NPNT: variants seen among roughly 807,000 people sequenced by gnomAD.
NPNT encodes preosteoblast EGF-like repeat protein with MAM domain.
Under a neutral mutation model 68.6 loss-of-function variants are expected in NPNT, and 45 were observed. That is an observed-to-expected ratio of 0.66 (90% CI 0.52 to 0.84). The LOEUF is 0.84. Among genes scored for constraint, NPNT ranks in the 40% least tolerant of loss-of-function variants. The probability of loss-of-function intolerance (pLI) is 0.00; values close to 1 mark genes in which losing one functional copy is unlikely to be tolerated. For synonymous variants in NPNT, 233 were observed against 253.3 expected, an observed-to-expected ratio of 0.92 and a Z score of 0.76; for missense variants, 672 against 714.8, an observed-to-expected ratio of 0.94 and a Z score of 0.68.
intron 2 of NPNT, chr4:105,912,335 G>A: frequency 2.3e-6 from 2 of 863,336 alleles, no homozygotes; most frequent in South Asian, 3.3e-5. Flanking sequence ...CAAAACATTA[G>A]TTGTGTTTTT....
intron 4 of NPNT, among the ~76,000 whole-genome samples, chr4:105,938,068 C>T (rs1729632474): frequency 6.6e-6 from 1 of 152,112 alleles, no homozygotes; most frequent in Non-Finnish European, 1.5e-5. Context: ...TCTTCACTTT[C>T]CTTGGCCACT....
At position 105,971,310 on chromosome 4, in the gene NPNT, T is replaced by C; in HGVS notation, c.*2320T>C. ...GGTTCCACAGAACAGTAATATTTTTTGAACAATAGGTACAATAGAAGGTCT... is the reference window on the plus strand; with the variant it reads ...GGTTCCACAGAACAGTAATATTTTTCGAACAATAGGTACAATAGAAGGTCT... On this transcript the variant is annotated 3_prime_UTR_variant, in exon 12 of 12. Transcript: ENST00000379987. 1 of 336,694 alleles carries C rather than the reference T, an allele frequency of 3.0e-6. No individual in the cohort carries two copies. The highest frequency in any genetic ancestry group is 6.2e-6 in the Non-Finnish European group (1 of 161,066). 20.9% of individuals were successfully genotyped at this position (336,694 alleles called of 1,614,324 possible).
At chr4:105,947,443 T>C (rs1208196639) in intron 8 of NPNT, among the ~76,000 whole-genome samples, 2 of 152,196 alleles carry the variant, frequency 1.3e-5, no homozygotes, top group Non-Finnish European at 1.5e-5. Flanking sequence ...CAATTTATGT[T>C]CCTCTGCTGC....
intron 4 of NPNT, among the ~76,000 whole-genome samples, 175 bp downstream of exon 4, chr4:105,937,303 A>G (rs1376800128): frequency 6.6e-6 from 1 of 152,174 alleles, no homozygotes; most frequent in Non-Finnish European, 1.5e-5. Flanking sequence ...TTTTCGATGT[A>G]TAATACTCTT....
rs564952099 is a variant in NPNT, at chr4:105,910,922, T to G, written c.172+12921T>G. On this transcript the variant is annotated intron_variant, in intron 2 of 11. Coordinates refer to ENST00000379987, the MANE Select transcript of NPNT (RefSeq NM_001033047.3). ...TGATGTTTGCTATTCTTTATTAAGTTGTTTTACCTTTGCTTACAATAATTT... is the reference window on the plus strand; with the variant it reads ...TGATGTTTGCTATTCTTTATTAAGTGGTTTTACCTTTGCTTACAATAATTT... 4.6e-5 allele frequency among the ~76,000 whole-genome samples: 7 copies of G among 152,262 alleles called. No homozygotes were observed. The South Asian group carries it at 1.4e-3, about 32-fold the overall frequency.
intron 2 of NPNT, among the ~76,000 whole-genome samples, chr4:105,914,273 C>G (rs1284633988): frequency 1.4e-5 from 2 of 142,674 alleles, no homozygotes; most frequent in African/African-American, 5.2e-5. Context: ...ACATGAATGC[C>G]TAGAGCTTCA....
rs376388825 is a variant in NPNT at position 105,927,630 on chromosome 4, C to G, written c.265+202C>G. ...AGGACAATTAAACAAATTGTATCCT[C>G]TTATTCTCTGATACTAATTAAAATG... On this transcript the variant is annotated intron_variant, in intron 3 of 11. Coordinates refer to ENST00000379987, the MANE Select transcript of NPNT (RefSeq NM_001033047.3). 9.9e-5 allele frequency: 32 copies of G among 324,412 alleles called. No individual in the cohort carries two copies. In the South Asian group the frequency reaches 1.8e-3, roughly 18 times the overall value. The allele number at this position is 324,412 out of a possible 1,614,324, so 20.1% of individuals were successfully genotyped here. A position where few individuals can be genotyped will look rare whatever the true frequency, so the allele number is the denominator to read the frequency against.
rs781173048 is a variant in NPNT, at chr4:105,940,500, A to G, written c.641-14A>G. On this transcript the variant is annotated splice_polypyrimidine_tract_variant and intron_variant, in intron 6 of 11. Transcript: ENST00000379987. ...TCCTAAATAAGTCTCTTCTTTTCCT[A>G]CTTTCTGATGCAGACATAGACGAAT... The G allele has an allele frequency of 6.8e-6, 11 of 1,606,818 alleles. No individual in the cohort carries two copies. Among genetic ancestry groups the G allele is most frequent in the East Asian group, 4.5e-5 (2 of 44,830 alleles).
chr4:105,940,488 T>A lies in NPNT; in HGVS notation c.641-26T>A, dbSNP rs779772229. 1.4e-5 allele frequency: 22 copies of A among 1,599,464 alleles called. No homozygotes were observed. The South Asian group carries it at 2.5e-4, about 18-fold the overall frequency. On this transcript the variant is annotated intron_variant, in intron 6 of 11. Coordinates refer to ENST00000379987, the MANE Select transcript of NPNT (RefSeq NM_001033047.3). Reference sequence around the variant, plus strand: ...ATCATATTTATCTCCTAAATAAGTCTCTTCTTTTCCTACTTTCTGATGCAG... The same window carrying A: ...ATCATATTTATCTCCTAAATAAGTCACTTCTTTTCCTACTTTCTGATGCAG...
intron 3 of NPNT, among the ~76,000 whole-genome samples, chr4:105,934,237 T>G (rs1729346302): frequency 6.6e-6 from 1 of 152,226 alleles, no homozygotes; most frequent in Non-Finnish European, 1.5e-5. Context: ...CAATAGATTG[T>G]GATAATGAAC....
intron 4 of NPNT, among the ~76,000 whole-genome samples, chr4:105,937,407 T>C (rs1729575509): frequency 6.7e-6 from 1 of 150,226 alleles, no homozygotes. Context: ...TTTTTAAACA[T>C]GTTTACCCAT....
At chr4:105,931,172 AT>A (rs1406287530) in intron 3 of NPNT, among the ~76,000 whole-genome samples, 4 of 152,130 alleles carry the variant, frequency 2.6e-5, no homozygotes, top group Non-Finnish European at 5.9e-5. Flanking sequence ...CAGAAAAAAA[AT>A]ATTATTATAG....
At chr4:105,902,572 G>A (rs991850903) in intron 2 of NPNT, 2 of 152,064 alleles carry the variant, frequency 1.3e-5, no homozygotes, top group Non-Finnish European at 2.9e-5. Context: ...TTTGCTTTTA[G>A]GTAGGAATAA....
chr4:105,928,474 G>A (rs1269344744), intron 3 of NPNT, among the ~76,000 whole-genome samples: 1 of 151,992 alleles, frequency 6.6e-6, no homozygotes, highest in African/African-American at 2.4e-5. Flanking sequence ...TTAGCTGCGT[G>A]TGGTGGCTCA....
intron 10 of NPNT, among the ~76,000 whole-genome samples, chr4:105,961,879 G>T (rs1028489051): frequency 5.3e-5 from 8 of 152,200 alleles, no homozygotes; most frequent in African/African-American, 1.9e-4. Context: ...AACTACGGTT[G>T]ACTCAAATCT....
intron 2 of NPNT, among the ~76,000 whole-genome samples, chr4:105,898,665 C>T (rs925694024): frequency 6.6e-6 from 1 of 152,140 alleles, no homozygotes; most frequent in Non-Finnish European, 1.5e-5. Flanking sequence ...TAACCAACCT[C>T]ATGTAATAAG....
At chr4:105,903,985 A>G (rs1221462935) in intron 2 of NPNT, among the ~76,000 whole-genome samples, 1 of 151,874 alleles carries the variant, frequency 6.6e-6, no homozygotes, top group Non-Finnish European at 1.5e-5. Flanking sequence ...GGGTTTTGCC[A>G]TGTTGCTCAG....
intron 8 of NPNT, among the ~76,000 whole-genome samples, chr4:105,952,850 G>T (rs999255010): frequency 1.3e-5 from 2 of 152,154 alleles, no homozygotes; most frequent in African/African-American, 4.8e-5. Flanking sequence ...CTTACCACTT[G>T]CATTCTGGTG....
chr4:105,905,023 AC>A (rs1726767948), intron 2 of NPNT, among the ~76,000 whole-genome samples: 1 of 151,108 alleles, frequency 6.6e-6, no homozygotes, highest in African/African-American at 2.4e-5. Flanking sequence ...GGCATGAGAC[AC>A]CGCGCCCGGC....
Sources: allele counts gnomAD v4.1 joint callset (sites outside exome capture counted in the v4.1 genomes callset), GRCh38; gene constraint gnomAD v4.1.1; transcripts MANE v1.5; gene names NCBI Gene and HGNC (gene_info 2026-07-23, HGNC 2026-07-21).